The following KREMEN1 variants were observed in gnomAD, a reference collection of about 807,000 sequenced individuals.
KREMEN1 encodes the protein kringle containing transmembrane protein 1.
Under a neutral mutation model 46.5 loss-of-function variants are expected in KREMEN1, and 30 were observed. The observed-to-expected ratio is 0.65, with a 90% CI of 0.48 to 0.88. KREMEN1 has a LOEUF of 0.88. Among genes scored for constraint, KREMEN1 ranks in the 40% least tolerant of loss-of-function variants. The pLI is 0.00. For missense variants in KREMEN1, 533 were observed against 596.9 expected (o/e 0.89, Z 1.11); for synonymous variants, 214 against 230.6 (o/e 0.93, Z 0.65).
Position 29,142,686 on chromosome 22 carries a change from C to A in KREMEN1, c.*574C>A. 1 of 985,526 alleles carries A rather than the reference C, an allele frequency of 1.0e-6. No homozygotes were observed. Among genetic ancestry groups the A allele is most frequent in the Non-Finnish European group, 1.2e-6 (1 of 830,010 alleles). 61.0% of individuals were successfully genotyped at this position (985,526 alleles called of 1,614,324 possible). On this transcript the variant is annotated 3_prime_UTR_variant, in exon 9 of 9. Coordinates refer to ENST00000400335, the MANE Select transcript of KREMEN1 (RefSeq NM_001039570.3). ...TGTGCTGCCCCGGCAGCTTTGCTCT[C>A]CAGATGCTGGACTAGGGTGGGCCTC...
chr22:29,126,213 C>T (rs2038440223), intron 5 of KREMEN1, among the ~76,000 whole-genome samples: 1 of 151,902 alleles, frequency 6.6e-6, no homozygotes, highest in African/African-American at 2.4e-5. Flanking sequence ...GCATCTCAAC[C>T]AGGCAGCATG....
chr22:29,128,216 C>T (rs1291139614), intron 5 of KREMEN1, among the ~76,000 whole-genome samples: 2 of 152,104 alleles, frequency 1.3e-5, no homozygotes, highest in Non-Finnish European at 2.9e-5. Context: ...TATAGATAGT[C>T]CCCAACTTAG....
rs145841122 is a variant in KREMEN1 at position 29,087,848 on chromosome 22, A to G, written c.98-6410A>G. On this transcript the variant is annotated intron_variant, in intron 1 of 8. Coordinates refer to ENST00000400335, the MANE Select transcript of KREMEN1 (RefSeq NM_001039570.3). ...CCAAAGTGCTGGGATTACAGGCATG[A>G]GCCACCACGCCCAGCCAAGTTTTAA... is the stretch of plus-strand genomic sequence containing the variant. Among the ~76,000 whole-genome samples the G allele has an allele frequency of 2.3e-3, 347 of 152,282 alleles. 5 individuals carry two copies. The East Asian group carries it at 0.024, about 11-fold the overall frequency.
intron 3 of KREMEN1, among the ~76,000 whole-genome samples, chr22:29,103,052 G>A (rs2037999700): frequency 6.6e-6 from 1 of 152,194 alleles, no homozygotes; most frequent in South Asian, 2.1e-4. Flanking sequence ...TTTGTAGCAA[G>A]AGATGTTTGT....
intron 9 of KREMEN1, among the ~76,000 whole-genome samples, chr22:29,160,393 A>G (rs2039000549): frequency 7.1e-6 from 1 of 141,334 alleles, no homozygotes; most frequent in South Asian, 2.3e-4. Context: ...AAAAAAAATT[A>G]GCTAAGCATG....
At chr22:29,100,615 A>C (rs921660567) in intron 3 of KREMEN1, among the ~76,000 whole-genome samples, 4 of 152,210 alleles carry the variant, frequency 2.6e-5, no homozygotes, top group Non-Finnish European at 5.9e-5. Context: ...GTAAACAACT[A>C]TGTTACTGGT....
At chr22:29,125,485 C>G in intron 5 of KREMEN1, 69 bp downstream of exon 5, 2 of 1,451,530 alleles carry the variant, frequency 1.4e-6, no homozygotes, top group Middle Eastern at 4.0e-4. Flanking sequence ...CAAGCCTGCC[C>G]ACCCTCCCTC....
At chr22:29,167,010 C>T (rs778607792) in intron 9 of KREMEN1, 19 of 1,509,534 alleles carry the variant, frequency 1.3e-5, no homozygotes, top group Non-Finnish European at 1.5e-5. Context: ...GCTGTACTTT[C>T]AGACACCACT....
rs1021994126 is a variant in KREMEN1, at chr22:29,145,736, G to T, written c.*3624G>T. On this transcript the variant is annotated 3_prime_UTR_variant, in exon 9 of 9. Coordinates refer to ENST00000400335, the MANE Select transcript of KREMEN1 (RefSeq NM_001039570.3). ...TCCCCCACGTCAGGACAGGCTTGAG[G>T]CCTCTCTGGGCGTGAGCGAGGAAAC... 9.4e-5 allele frequency: 93 copies of T among 985,452 alleles called. No individual in the cohort carries two copies. The highest frequency in any genetic ancestry group is 1.1e-4 in the Non-Finnish European group (93 of 830,012). 61.0% of individuals were successfully genotyped at this position (985,452 alleles called of 1,614,324 possible).
At chr22:29,132,524 C>G (rs908992211) in intron 5 of KREMEN1, among the ~76,000 whole-genome samples, 2 of 152,190 alleles carry the variant, frequency 1.3e-5, no homozygotes, top group African/African-American at 4.8e-5. Context: ...CACTTTCTCT[C>G]CAGCTACAGA....
chr22:29,094,732 T>G (rs996941212), intron 2 of KREMEN1, among the ~76,000 whole-genome samples: 27 of 151,562 alleles, frequency 1.8e-4, no homozygotes. Flanking sequence ...CACGCCATTC[T>G]CCTGCCTCAG....
intron 9 of KREMEN1, among the ~76,000 whole-genome samples, chr22:29,161,193 A>C (rs1428965360): frequency 1.3e-5 from 2 of 152,166 alleles, no homozygotes; most frequent in African/African-American, 2.4e-5. Flanking sequence ...GACTGAACAA[A>C]TCAATATCAT....
At position 29,167,132 on chromosome 22, in the gene KREMEN1, G is replaced by T. The variant is rs139398195; in HGVS notation, c.*26G>T. On this transcript the variant is annotated 3_prime_UTR_variant, in exon 10 of 10. Coordinates refer to the KREMEN1 transcript ENST00000327813. ...CTGTAGACACAACTAGGCTCCGTGG[G>T]CATATCTGGGTGGCAATTTCAGAGG... is the stretch of plus-strand genomic sequence containing the variant. The T allele has an allele frequency of 8.9e-4, 1,367 of 1,543,050 alleles. 14 individuals are homozygous for T. In the African/African-American group the frequency reaches 0.017, roughly 19 times the overall value.
chr22:29,142,684 C>T lies in KREMEN1; in HGVS notation c.*572C>T, dbSNP rs1274310195. ...TCTGTGCTGCCCCGGCAGCTTTGCT[C>T]TCCAGATGCTGGACTAGGGTGGGCC... On this transcript the variant is annotated 3_prime_UTR_variant, in exon 9 of 9. Transcript: ENST00000400335. 3 of 985,404 alleles carry T rather than the reference C, an allele frequency of 3.0e-6. No individual in the cohort carries two copies. The African/African-American group carries it at 5.2e-5, about 17-fold the overall frequency. The allele number at this position is 985,404 out of a possible 1,614,324, so 61.0% of individuals were successfully genotyped here.
At chr22:29,112,807 T>C (rs1332813818) in intron 3 of KREMEN1, among the ~76,000 whole-genome samples, 3 of 152,246 alleles carry the variant, frequency 2.0e-5, no homozygotes, top group African/African-American at 7.2e-5. Flanking sequence ...CTTTTTCAAA[T>C]TGGCTTTTCC....
chr22:29,090,583 A>C (rs1481026588), intron 1 of KREMEN1, among the ~76,000 whole-genome samples: 2 of 152,196 alleles, frequency 1.3e-5, no homozygotes, highest in Non-Finnish European at 2.9e-5. Flanking sequence ...CAAATGATTC[A>C]AAATAGAATG....
intron 3 of KREMEN1, among the ~76,000 whole-genome samples, chr22:29,109,216 A>G (rs1036214743): frequency 6.6e-6 from 1 of 152,244 alleles, no homozygotes; most frequent in Non-Finnish European, 1.5e-5. Flanking sequence ...CAGTTCAGTC[A>G]CAGATACAAA....
At chr22:29,155,363 G>C (rs886562049) in intron 9 of KREMEN1, among the ~76,000 whole-genome samples, 2 of 151,694 alleles carry the variant, frequency 1.3e-5, no homozygotes, top group Admixed American at 1.3e-4. Context: ...GGCAAAACCC[G>C]GTGTCTACAA....
rs561567691 is a variant in KREMEN1 at position 29,146,557 on chromosome 22, A to C, written c.*4445A>C. The C allele has an allele frequency of 1.4e-4, 141 of 985,704 alleles. No individual in the cohort carries two copies. Among genetic ancestry groups the C allele is most frequent in the Non-Finnish European group, 1.6e-4 (134 of 829,934 alleles). 61.1% of individuals were successfully genotyped at this position (985,704 alleles called of 1,614,324 possible). A position where few individuals can be genotyped will look rare whatever the true frequency, so the allele number is the denominator to read the frequency against. ...GCACGTCAAGACCTTCCCACATCCA[A>C]ACTCAGCTTCCAGCAGGGATTTTGA... is the stretch of plus-strand genomic sequence containing the variant. On this transcript the variant is annotated 3_prime_UTR_variant, in exon 9 of 9. Coordinates refer to ENST00000400335, the MANE Select transcript of KREMEN1 (RefSeq NM_001039570.3).
Sources: gnomAD v4.1 joint callset for allele counts (sites outside exome capture counted in the v4.1 genomes callset) on GRCh38, gnomAD v4.1.1 for gene constraint, MANE v1.5 for transcripts, NCBI Gene and HGNC (gene_info 2026-07-23, HGNC 2026-07-21) for gene names.